STAG1: variants seen among roughly 807,000 people sequenced by gnomAD.
The protein encoded by STAG1 is STAG1 cohesin complex component, also known as cohesin subunit SA-1.
A neutral mutation model predicts 170.9 loss-of-function variants in STAG1; 26 were observed. The observed-to-expected ratio is 0.15, with a 90% CI of 0.11 to 0.21. The LOEUF (loss-of-function observed/expected upper bound fraction) is 0.21, where lower values mean the gene tolerates loss of function less well. STAG1 is among the 10% of genes least tolerant of loss of function. The pLI is 1.00. For synonymous variants in STAG1, 514 were observed against 497.7 expected, an observed-to-expected ratio of 1.03 and a Z score of -0.44; for missense variants, 964 against 1,509.5, an observed-to-expected ratio of 0.64 and a Z score of 5.99.
intron 3 of STAG1, among the ~76,000 whole-genome samples, chr3:136,613,771 C>T (rs761997112): frequency 4.9e-4 from 74 of 152,058 alleles, no homozygotes; most frequent in African/African-American, 1.2e-3. Flanking sequence ...TACAGGTGTG[C>T]GCCACTGTGC....
At chr3:136,667,261 T>C (rs1012875854) in intron 1 of STAG1, among the ~76,000 whole-genome samples, 2 of 152,068 alleles carry the variant, frequency 1.3e-5, no homozygotes, top group Admixed American at 6.6e-5. Flanking sequence ...ACAGACACTA[T>C]CTAAAGTTGG....
At chr3:136,533,148 TC>T (rs1935459304) in intron 6 of STAG1, among the ~76,000 whole-genome samples, 1 of 151,928 alleles carries the variant, frequency 6.6e-6, no homozygotes, top group South Asian at 2.1e-4. Flanking sequence ...AAGATGGCAA[TC>T]CCATTTACAA....
At position 136,399,379 on chromosome 3, in the gene STAG1, G is replaced by GTATCTTTCTT. The variant is rs1451852631; in HGVS notation, c.2197-551_2197-550insAAGAAAGATA. 7.9e-5 allele frequency among the ~76,000 whole-genome samples: 12 copies of GTATCTTTCTT among 152,064 alleles called. No homozygotes were observed. The East Asian group carries it at 1.3e-3, about 17-fold the overall frequency. ...TATAATTATCTTTCTTCTCCCAAGG[G>GTATCTTTCTT]CAACAGTTATTATGGATTATTTGGG... On this transcript the variant is annotated intron_variant, in intron 21 of 33. Transcript: ENST00000383202.
rs137985645 is a variant in STAG1 at position 136,573,816 on chromosome 3, A to G, written c.298-4955T>C. ...TGAAACCCCATCTCTATTAAAATAC[A>G]AAAAATTAGCGGGGCGTGGTGGTGG... On this transcript the variant is annotated intron_variant, in intron 4 of 33. Transcript: ENST00000383202. 7.9e-5 allele frequency among the ~76,000 whole-genome samples: 12 copies of G among 151,298 alleles called. No individual in the cohort carries two copies. The East Asian group carries it at 2.3e-3, about 30-fold the overall frequency.
intron 1 of STAG1, among the ~76,000 whole-genome samples, chr3:136,733,976 G>A (rs994529644): frequency 2.0e-5 from 3 of 151,688 alleles, no homozygotes; most frequent in South Asian, 2.1e-4. Flanking sequence ...GTGTGGTGGC[G>A]GGCACCTGTA....
At chr3:136,522,398 T>C (rs535160999) in intron 6 of STAG1, among the ~76,000 whole-genome samples, 2 of 152,130 alleles carry the variant, frequency 1.3e-5, no homozygotes, top group Non-Finnish European at 2.9e-5. Context: ...TAGGGAGCAC[T>C]ACATGACGGG....
In STAG1 at chr3:136,337,694, A is replaced by G. The variant is rs1481381442; in HGVS notation, c.*560T>C. 6.6e-6 allele frequency: 1 copy of G among 152,658 alleles called. No individual in the cohort carries two copies. Among genetic ancestry groups the G allele is most frequent in the African/African-American group, 2.4e-5 (1 of 41,446 alleles). The allele number at this position is 152,658 out of a possible 1,614,324, so 9.5% of individuals were successfully genotyped here. ...TGTCAGAATTTCATCTTAGCTTGTC[A>G]ATGTTCTGCTCCTTCATTATTTGTG... On this transcript the variant is annotated 3_prime_UTR_variant, in exon 34 of 34. Coordinates refer to ENST00000383202, the MANE Select transcript of STAG1 (RefSeq NM_005862.3).
intron 24 of STAG1, among the ~76,000 whole-genome samples, chr3:136,368,817 A>C (rs1937181170): frequency 2.6e-5 from 4 of 152,138 alleles, no homozygotes; most frequent in Admixed American, 2.6e-4. Flanking sequence ...TGGTTTCTGA[A>C]CTATATGAAT....
chr3:136,406,999 T>C (rs2087502549), intron 21 of STAG1, among the ~76,000 whole-genome samples: 1 of 152,134 alleles, frequency 6.6e-6, no homozygotes, highest in Admixed American at 6.5e-5. Context: ...ATTAACAGTG[T>C]GGTGTAGAGA....
chr3:136,427,152 C>T (rs1047900704), intron 16 of STAG1, among the ~76,000 whole-genome samples: 6 of 151,652 alleles, frequency 4.0e-5, no homozygotes, highest in African/African-American at 1.2e-4. Context: ...TCGCTTGAAC[C>T]CGGGAGGCAG....
chr3:136,655,860 T>C (rs1559933260), intron 1 of STAG1, among the ~76,000 whole-genome samples: 2 of 151,634 alleles, frequency 1.3e-5, no homozygotes, highest in East Asian at 3.9e-4. Flanking sequence ...TGTAAAAAAA[T>C]ATGGTGTTTC....
chr3:136,353,173 G>C (rs868405280), intron 28 of STAG1, among the ~76,000 whole-genome samples: 1 of 152,086 alleles, frequency 6.6e-6, no homozygotes, highest in African/African-American at 2.4e-5. Flanking sequence ...CTGAAGAAGA[G>C]AGAGAAAAAA....
chr3:136,405,804 A>T (rs1456573782), intron 21 of STAG1, among the ~76,000 whole-genome samples: 1 of 148,836 alleles, frequency 6.7e-6, no homozygotes, highest in Non-Finnish European at 1.5e-5. Context: ...AAAAAAAAAA[A>T]AAAAAAAAAA....
At chr3:136,477,574 A>C (rs1364683149) in intron 9 of STAG1, among the ~76,000 whole-genome samples, 162 bp from the exon 10 acceptor site, 1 of 152,156 alleles carries the variant, frequency 6.6e-6, no homozygotes, top group Non-Finnish European at 1.5e-5. Context: ...GTTTTCTATA[A>C]AATAAACACT....
At chr3:136,570,638 A>G (rs1473499691) in intron 4 of STAG1, among the ~76,000 whole-genome samples, 1 of 152,182 alleles carries the variant, frequency 6.6e-6, no homozygotes. Context: ...AATAAATCAC[A>G]CTTCCACCAG....
intron 5 of STAG1, among the ~76,000 whole-genome samples, chr3:136,557,664 T>A (rs945904650): frequency 1.3e-5 from 2 of 152,160 alleles, no homozygotes; most frequent in Admixed American, 1.3e-4. Flanking sequence ...TGCCTCAGCC[T>A]CCTGAGTAGC....
At chr3:136,541,540 A>T (rs751788948) in intron 6 of STAG1, among the ~76,000 whole-genome samples, 28 of 101,892 alleles carry the variant, frequency 2.7e-4, no homozygotes, top group African/African-American at 5.3e-4. Flanking sequence ...CTTAACATTC[A>T]CACACACACA....
intron 13 of STAG1, among the ~76,000 whole-genome samples, chr3:136,463,416 T>G (rs1367225993): frequency 6.6e-6 from 1 of 152,182 alleles, no homozygotes; most frequent in Non-Finnish European, 1.5e-5. Flanking sequence ...GTCCATGATT[T>G]ATAGTTGTAC....
At chr3:136,743,062 G>A (rs898147701) in intron 1 of STAG1, among the ~76,000 whole-genome samples, 1 of 152,074 alleles carries the variant, frequency 6.6e-6, no homozygotes, top group Non-Finnish European at 1.5e-5. Flanking sequence ...TCACTAGACT[G>A]GTCAAGATAA....
Sources: gnomAD v4.1 joint callset for allele counts (sites outside exome capture counted in the v4.1 genomes callset) on GRCh38, gnomAD v4.1.1 for gene constraint, MANE v1.5 for transcripts, NCBI Gene and HGNC (gene_info 2026-07-23, HGNC 2026-07-21) for gene names.